Variants in BMPER observed in about 807,000 individuals in gnomAD.
The protein encoded by BMPER is BMP binding endothelial regulator, also known as BMP-binding endothelial regulator protein.
In BMPER, 45 loss-of-function variants were observed where a neutral mutation model predicts 87.3. That is an observed-to-expected ratio of 0.52 (90% CI 0.41 to 0.66). The LOEUF (loss-of-function observed/expected upper bound fraction) is 0.66, where lower values mean the gene tolerates loss of function less well. Ranked by LOEUF, BMPER falls within the 30% of genes least tolerant of loss-of-function variation. The pLI is 0.00. For missense variants in BMPER, 784 were observed against 867.5 expected (o/e 0.90, Z 1.21); for synonymous variants, 326 against 316.2 (o/e 1.03, Z -0.33).
intron 2 of BMPER, among the ~76,000 whole-genome samples, chr7:33,934,809 T>G (rs1784564221): frequency 6.6e-6 from 1 of 152,234 alleles, no homozygotes. Context: ...GGAGTGGCCC[T>G]TGGCTAAGGC....
At chr7:33,928,404 C>T (rs1024528667) in intron 2 of BMPER, among the ~76,000 whole-genome samples, 9 of 152,012 alleles carry the variant, frequency 5.9e-5, no homozygotes, top group South Asian at 4.1e-4. Flanking sequence ...GCTTATACGA[C>T]GCGCAGTCTA....
chr7:33,987,496 CT>C (rs1786042547), intron 6 of BMPER, among the ~76,000 whole-genome samples: 1 of 152,128 alleles, frequency 6.6e-6, no homozygotes, highest in Non-Finnish European at 1.5e-5. Context: ...TGAAATCCAC[CT>C]AAGATCTCGA....
At chr7:33,978,002 C>G (rs971978456) in intron 6 of BMPER, among the ~76,000 whole-genome samples, 2 of 152,120 alleles carry the variant, frequency 1.3e-5, no homozygotes, top group African/African-American at 4.8e-5. Context: ...GGGAATGTCA[C>G]CAAGTGCTAT....
At chr7:34,024,383 C>A (rs1419596667) in intron 6 of BMPER, among the ~76,000 whole-genome samples, 1,079 of 7,080 alleles carry the variant, frequency 0.15, 25 homozygotes, top group African/African-American at 0.27. Flanking sequence ...AAAAAAAAAA[C>A]AATATATATA....
chr7:34,058,247 C>A, intron 10 of BMPER, 84 bp downstream of exon 10: 1 of 1,262,692 alleles, frequency 7.9e-7, no homozygotes, highest in Non-Finnish European at 1.1e-6. Flanking sequence ...ATCTTCCGAA[C>A]ACAGACTCCA....
At chr7:33,964,859 C>A (rs138513167) in intron 3 of BMPER, among the ~76,000 whole-genome samples, 68 of 152,290 alleles carry the variant, frequency 4.5e-4, no homozygotes, top group African/African-American at 1.4e-3. Context: ...ACTCCACTGG[C>A]AGACTTGGCA....
At chr7:33,923,935 C>T (rs944650999) in intron 2 of BMPER, among the ~76,000 whole-genome samples, 4 of 152,128 alleles carry the variant, frequency 2.6e-5, no homozygotes, top group African/African-American at 9.7e-5. Context: ...AGATCCATTG[C>T]CTAAAACCAC....
chr7:33,925,015 G>C (rs185192714), intron 2 of BMPER, among the ~76,000 whole-genome samples: 1 of 152,206 alleles, frequency 6.6e-6, no homozygotes, highest in East Asian at 1.9e-4. Context: ...TTGTTATTCT[G>C]TTCCCTTGTC....
chr7:34,012,879 T>C (rs1786919245), intron 6 of BMPER, among the ~76,000 whole-genome samples: 1 of 151,942 alleles, frequency 6.6e-6, no homozygotes, highest in Non-Finnish European at 1.5e-5. Context: ...ATGGAATCAA[T>C]GTGAAAACTC....
intron 7 of BMPER, 43 bp from the exon 8 acceptor site, chr7:34,051,818 C>G: frequency 6.6e-7 from 1 of 1,504,202 alleles, no homozygotes; most frequent in Non-Finnish European, 9.3e-7. Context: ...ATGGGACATC[C>G]CCGATTCTGT....
chr7:34,124,727 C>CT, intron 13 of BMPER, among the ~76,000 whole-genome samples: 1 of 151,964 alleles, frequency 6.6e-6, no homozygotes, highest in Non-Finnish European at 1.5e-5. Flanking sequence ...GAAAAGCATC[C>CT]TTTTTTTGAA....
intron 11 of BMPER, among the ~76,000 whole-genome samples, chr7:34,065,247 T>TCTCTCTCTCTCC (rs1349826938): frequency 1.4e-5 from 2 of 144,430 alleles, no homozygotes; most frequent in Non-Finnish European, 3.1e-5. Context: ...TCTCTCTCTC[T>TCTCTCTCTCTCC]CCCTCTCTCT....
At chr7:34,083,782 CCTCT>C (rs138588578) in intron 12 of BMPER, among the ~76,000 whole-genome samples, 4 of 150,488 alleles carry the variant, frequency 2.7e-5, no homozygotes, top group East Asian at 1.9e-4. Flanking sequence ...TAGACAAGAT[CCTCT>C]CTCTCTCTCT....
intron 2 of BMPER, among the ~76,000 whole-genome samples, chr7:33,927,224 G>C (rs922563045): frequency 6.6e-6 from 1 of 152,162 alleles, no homozygotes; most frequent in South Asian, 2.1e-4. Context: ...GGGCTTTCAC[G>C]GGGCAATCTG....
intron 6 of BMPER, among the ~76,000 whole-genome samples, chr7:33,988,654 G>A (rs886656442): frequency 1.3e-5 from 2 of 151,478 alleles, no homozygotes; most frequent in South Asian, 2.1e-4. Context: ...TAGGGTACAC[G>A]TGCACATTGT....
At position 34,153,231 on chromosome 7, in the gene BMPER, C is replaced by G; in HGVS notation, c.2016C>G (p.His672Gln). The G allele has an allele frequency of 6.2e-7, 1 of 1,614,030 alleles. No individual in the cohort carries two copies. Among genetic ancestry groups the G allele is most frequent in the South Asian group, 1.1e-5 (1 of 91,070 alleles). The change falls in exon 15 of 15, where the codon CAC becomes CAG. Residue 672 changes from histidine (H) to glutamine (Q), a missense_variant. Transcript: ENST00000649409. ...GCHCPANLVL[H>Q]KGRCIKPVLC... ...ACTGTCCAGCAAACTTGGTCCTTCA[C>G]AAGGGAAGGTGCATCAAGCCAGTCC...
intron 13 of BMPER, among the ~76,000 whole-genome samples, chr7:34,095,403 A>G (rs1311889001): frequency 1.3e-5 from 2 of 152,216 alleles, no homozygotes; most frequent in Non-Finnish European, 2.9e-5. Context: ...TTGGCGTGTC[A>G]GTTGCAGTTA....
At chr7:33,967,153 C>T (rs1785426495) in intron 4 of BMPER, among the ~76,000 whole-genome samples, 1 of 152,118 alleles carries the variant, frequency 6.6e-6, no homozygotes, top group Admixed American at 6.6e-5. Flanking sequence ...GCAAGATAAA[C>T]TAAAGCAGAA....
At chr7:34,103,575 T>G (rs967142516) in intron 13 of BMPER, among the ~76,000 whole-genome samples, 8 of 152,158 alleles carry the variant, frequency 5.3e-5, no homozygotes, top group African/African-American at 1.9e-4. Context: ...CACTTGAAGC[T>G]CAGCCACTTC....
Sources: gnomAD v4.1 joint callset for allele counts (sites outside exome capture counted in the v4.1 genomes callset) on GRCh38, gnomAD v4.1.1 for gene constraint, MANE v1.5 for transcripts, NCBI Gene and HGNC (gene_info 2026-07-23, HGNC 2026-07-21) for gene names.